ERBIN: variants seen among roughly 807,000 people sequenced by gnomAD.
The protein encoded by ERBIN is densin-180-like protein.
Under a neutral mutation model 158.4 loss-of-function variants are expected in ERBIN, and 60 were observed. That is an observed-to-expected ratio of 0.38 (90% CI 0.31 to 0.47). The LOEUF is 0.47. Among genes scored for constraint, ERBIN ranks in the 20% least tolerant of loss-of-function variants. The probability of loss-of-function intolerance (pLI) is 0.99; values close to 1 mark genes in which losing one functional copy is unlikely to be tolerated. For synonymous variants in ERBIN, 594 were observed against 557.2 expected, an observed-to-expected ratio of 1.07 and a Z score of -0.93; for missense variants, 1,610 against 1,648.0, an observed-to-expected ratio of 0.98 and a Z score of 0.40.
intron 1 of ERBIN, among the ~76,000 whole-genome samples, chr5:65,986,769 T>C (rs1267313611): frequency 1.3e-5 from 2 of 152,178 alleles, no homozygotes; most frequent in Non-Finnish European, 2.9e-5. Context: ...AAATAGAGAA[T>C]AGTTAGCATT....
At position 66,014,735 on chromosome 5, in the gene ERBIN, G is replaced by T; in HGVS notation, c.533+10G>T. On this transcript the variant is annotated intron_variant, in intron 7 of 25. Transcript: ENST00000284037. ...TAAAAATGTTGCCTAAGTAAGTAAA[G>T]GTGCTATTCTTTAAAAAACTTAATT... 1 of 1,339,986 alleles carries T rather than the reference G, an allele frequency of 7.5e-7. No homozygotes were observed. The highest frequency in any genetic ancestry group is 1.0e-6 in the Non-Finnish European group (1 of 988,886). The allele number at this position is 1,339,986 out of a possible 1,614,324, so 83.0% of individuals were successfully genotyped here.
chr5:66,051,907 A>AAAAAAAAAAAAAAAAAG (rs1554065281), intron 20 of ERBIN, among the ~76,000 whole-genome samples: 14 of 148,880 alleles, frequency 9.4e-5, no homozygotes, highest in African/African-American at 3.3e-4. Context: ...AAAAAAAAAA[A>AAAAAAAAAAAAAAAAAG]AGAGACAGAT....
At chr5:66,038,580 G>A (rs1561409732) in intron 15 of ERBIN, 98 bp downstream of exon 15, 19 of 822,180 alleles carry the variant, frequency 2.3e-5, no homozygotes, top group Non-Finnish European at 3.2e-5. Context: ...CAGTTTGATG[G>A]GACTTCAGAG....
intron 1 of ERBIN, among the ~76,000 whole-genome samples, chr5:65,958,194 C>T (rs1747466819): frequency 1.3e-5 from 2 of 151,600 alleles, no homozygotes; most frequent in East Asian, 2.0e-4. Flanking sequence ...CAGGCAGAGA[C>T]GCTCCTCACT....
Position 66,046,406 on chromosome 5 carries a change from T to C in ERBIN, c.1656T>C (p.Tyr552=), listed in dbSNP as rs1198899154. ...VKSKVDEREK[Y]MIGNSVQKIS... ...GCAAAGTTGATGAAAGAGAAAAATA[T>C]ATGATAGGAAACTCTGTACAGAAGA... The change falls in exon 18 of 26, where the codon TAT becomes TAC. Residue 552 remains tyrosine (Y), a synonymous_variant. Coordinates refer to ENST00000284037, the MANE Select transcript of ERBIN (RefSeq NM_001253697.2). 10 of 1,605,262 alleles carry C rather than the reference T, an allele frequency of 6.2e-6. No homozygotes were observed. Among genetic ancestry groups the C allele is most frequent in the South Asian group, 1.1e-5 (1 of 89,484 alleles).
At chr5:66,020,268 A>T (rs1191175579) in intron 7 of ERBIN, among the ~76,000 whole-genome samples, 1 of 152,040 alleles carries the variant, frequency 6.6e-6, no homozygotes, top group Non-Finnish European at 1.5e-5. Flanking sequence ...TTGTTTTTAT[A>T]TTTTTGACTA....
At chr5:65,973,755 A>G (rs556574296) in intron 1 of ERBIN, among the ~76,000 whole-genome samples, 1 of 151,516 alleles carries the variant, frequency 6.6e-6, no homozygotes, top group Non-Finnish European at 1.5e-5. Flanking sequence ...AAAGGGTTTG[A>G]TTCAGTAGTA....
intron 14 of ERBIN, 118 bp downstream of exon 14, chr5:66,028,461 T>G: frequency 7.3e-6 from 4 of 544,272 alleles, no homozygotes; most frequent in Non-Finnish European, 1.2e-5. Flanking sequence ...TGTAAACATA[T>G]CTTTTATATA....
At chr5:65,937,055 G>A (rs79359419) in intron 1 of ERBIN, among the ~76,000 whole-genome samples, 2,142 of 152,234 alleles carry the variant, frequency 0.014, 115 homozygotes, top group Admixed American at 0.097. Flanking sequence ...TTAAATCCAC[G>A]ACTTACTAAT....
chr5:65,931,515 G>GAA (rs1743368781), intron 1 of ERBIN, among the ~76,000 whole-genome samples: 1 of 151,846 alleles, frequency 6.6e-6, no homozygotes, highest in Non-Finnish European at 1.5e-5. Flanking sequence ...CAGACTTTTT[G>GAA]GTTTGACTCA....
chr5:66,054,991 T>C, intron 21 of ERBIN, 40 bp downstream of exon 21: 2 of 1,494,256 alleles, frequency 1.3e-6, no homozygotes, highest in Non-Finnish European at 1.8e-6. Context: ...CTTTATGAAC[T>C]TAATTATTTT....
At chr5:66,021,659 G>A (rs897917546) in intron 8 of ERBIN, among the ~76,000 whole-genome samples, 1 of 152,036 alleles carries the variant, frequency 6.6e-6, no homozygotes, top group African/African-American at 2.4e-5. Context: ...CAGAAAATTT[G>A]AGTGATTATA....
At chr5:65,929,544 C>G (rs1472438150) in intron 1 of ERBIN, among the ~76,000 whole-genome samples, 3 of 151,646 alleles carry the variant, frequency 2.0e-5, no homozygotes, top group Non-Finnish European at 2.9e-5. Flanking sequence ...CTTGCTCATT[C>G]ATTTCTTGAA....
chr5:66,016,858 G>A (rs530230853), intron 7 of ERBIN, among the ~76,000 whole-genome samples: 3 of 151,998 alleles, frequency 2.0e-5, no homozygotes, highest in East Asian at 3.9e-4. Context: ...CAAATGACCC[G>A]CCCTCCTCGG....
At chr5:65,995,656 T>C (rs1752352471) in intron 4 of ERBIN, among the ~76,000 whole-genome samples, 1 of 152,194 alleles carries the variant, frequency 6.6e-6, no homozygotes, top group African/African-American at 2.4e-5. Context: ...GTGGGATTGC[T>C]GGATCTTGTG....
At chr5:66,064,283 G>C (rs1045194763) in intron 21 of ERBIN, among the ~76,000 whole-genome samples, 1 of 152,118 alleles carries the variant, frequency 6.6e-6, no homozygotes, top group Admixed American at 6.5e-5. Flanking sequence ...CAACCTGGTT[G>C]AATTAAAGAT....
intron 21 of ERBIN, among the ~76,000 whole-genome samples, chr5:66,070,377 G>T (rs1346650050): frequency 6.6e-6 from 1 of 152,130 alleles, no homozygotes; most frequent in Non-Finnish European, 1.5e-5. Context: ...AGAGAGAAGG[G>T]TGATAACTAT....
intron 15 of ERBIN, among the ~76,000 whole-genome samples, chr5:66,039,813 A>G (rs1047687279): frequency 6.6e-6 from 1 of 151,978 alleles, no homozygotes; most frequent in Non-Finnish European, 1.5e-5. Context: ...AGCTTTAACT[A>G]TAGAACCTCC....
At chr5:66,063,839 T>C (rs1014765668) in intron 21 of ERBIN, among the ~76,000 whole-genome samples, 4 of 152,208 alleles carry the variant, frequency 2.6e-5, no homozygotes, top group Non-Finnish European at 5.9e-5. Context: ...ACCAATAAAA[T>C]GTCAATAGAG....
Sources: gnomAD v4.1 joint callset for allele counts (sites outside exome capture counted in the v4.1 genomes callset) on GRCh38, gnomAD v4.1.1 for gene constraint, MANE v1.5 for transcripts, NCBI Gene and HGNC (gene_info 2026-07-23, HGNC 2026-07-21) for gene names.